Variants in EBF4 observed in about 807,000 individuals in gnomAD.
The protein encoded by EBF4 is transcription factor COE4.
EBF4 carries 34 observed loss-of-function variants against 67.1 expected under a neutral mutation model. The observed-to-expected ratio is 0.51, with a 90% CI of 0.39 to 0.67. The LOEUF (loss-of-function observed/expected upper bound fraction) is 0.67. Among genes scored for constraint, EBF4 ranks in the 30% least tolerant of loss-of-function variants. The probability of loss-of-function intolerance (pLI) is 0.00; values close to 1 mark genes in which losing one functional copy is unlikely to be tolerated. For missense variants in EBF4, 837 were observed against 873.3 expected, an observed-to-expected ratio of 0.96 and a Z score of 0.52; for synonymous variants, 387 against 377.7, an observed-to-expected ratio of 1.02 and a Z score of -0.29.
intron 5 of EBF4, 119 bp from the exon 6 acceptor site, chr20:2,709,455 C>G (rs1488555480): frequency 2.2e-6 from 2 of 926,308 alleles, no homozygotes; most frequent in Non-Finnish European, 3.0e-6. Flanking sequence ...CCAGGGATTC[C>G]ACACCCAGAG....
chr20:2,749,862 G>A (rs1225717549), exon 10 of EBF4: 1 of 1,550,414 alleles, frequency 6.4e-7, no homozygotes, highest in Non-Finnish European at 8.7e-7. Flanking sequence ...CACGCCCCAC[G>A]CCATCCGGGT....
At chr20:2,752,154 G>T (rs1390863687) in exon 13 of EBF4, 1 of 1,447,658 alleles carries the variant, frequency 6.9e-7, no homozygotes, top group Non-Finnish European at 9.1e-7. Context: ...CACCCGGGCC[G>T]CTCGCACCCC....
rs144338760 is a variant in EBF4, at chr20:2,698,596, G to C, written c.137+4814G>C. 1.3e-3 allele frequency among the ~76,000 whole-genome samples: 192 copies of C among 152,236 alleles called. 2 individuals are homozygous for C. The South Asian group carries it at 0.019, about 15-fold the overall frequency. ...GATGTAGAGGAAAGGGACTGGTGGA[G>C]CCCTGTCAGGATGGGGCTAAGAAGA... On this transcript the variant is annotated intron_variant, in intron 1 of 16. Transcript: ENST00000609451.
At chr20:2,758,840 G>C (rs1401335096) in intron 15 of EBF4, 69 bp from the exon 16 acceptor site, 3 of 1,386,868 alleles carry the variant, frequency 2.2e-6, no homozygotes, top group Admixed American at 2.0e-5. Flanking sequence ...CTCCAGCCCA[G>C]AGAGTGACAG....
intron 6 of EBF4, among the ~76,000 whole-genome samples, chr20:2,729,546 C>T (rs1251215235): frequency 6.6e-6 from 1 of 152,146 alleles, no homozygotes; most frequent in African/African-American, 2.4e-5. Context: ...GACAGACACA[C>T]CCCACACTTC....
At chr20:2,715,869 CT>C (rs1391684172) in intron 6 of EBF4, among the ~76,000 whole-genome samples, 1 of 152,180 alleles carries the variant, frequency 6.6e-6, no homozygotes, top group Non-Finnish European at 1.5e-5. Context: ...GTGCCTCAGC[CT>C]TCCGAGTAGC....
At position 2,696,186 on chromosome 20, in the gene EBF4, A is replaced by G. The variant is rs934078408; in HGVS notation, c.137+2404A>G. On this transcript the variant is annotated intron_variant, in intron 1 of 16. Coordinates refer to ENST00000609451, the Ensembl canonical transcript of EBF4. This position sits in a 1 kb window ranked among gnomAD's most constrained non-coding sequence, Gnocchi z 4.7. The stretch of plus-strand genomic sequence containing the variant: ...TCTCTCTCCGATTACAAATAAAGTG[A>G]CCAGGCTGGGCGCGGTGGCTCACGC... 2.0e-5 allele frequency among the ~76,000 whole-genome samples: 3 copies of G among 152,238 alleles called. No homozygotes were observed. The highest frequency in any genetic ancestry group is 6.5e-5 in the Admixed American group (1 of 15,278).
At chr20:2,752,172 G>T in exon 13 of EBF4, 5 of 1,442,966 alleles carry the variant, frequency 3.5e-6, no homozygotes, top group Non-Finnish European at 2.7e-6. Flanking sequence ...CCCTGGCCCC[G>T]AGCCACCCAC....
At chr20:2,742,644 C>T (rs1279879952) in intron 6 of EBF4, among the ~76,000 whole-genome samples, 1 of 152,116 alleles carries the variant, frequency 6.6e-6, no homozygotes, top group Non-Finnish European at 1.5e-5. Flanking sequence ...CCATGGGGAT[C>T]CTCAGGTCAG....
chr20:2,704,204 C>T (rs575881230), intron 1 of EBF4, among the ~76,000 whole-genome samples: 44 of 152,082 alleles, frequency 2.9e-4, no homozygotes, highest in Non-Finnish European at 4.6e-4. Context: ...GGGGGTGGGG[C>T]TCACTGGGAA....
At chr20:2,724,671 G>T (rs1428262421) in intron 6 of EBF4, among the ~76,000 whole-genome samples, 1 of 152,280 alleles carries the variant, frequency 6.6e-6, no homozygotes, top group Non-Finnish European at 1.5e-5. Flanking sequence ...TTGGGATGAC[G>T]AGGTACAAGA....
intron 1 of EBF4, among the ~76,000 whole-genome samples, chr20:2,700,014 G>C (rs778144851): frequency 9.2e-5 from 14 of 152,184 alleles, no homozygotes; most frequent in Non-Finnish European, 1.5e-4. Context: ...AGCCTGCTCT[G>C]CTCAGCCCAG....
Position 2,707,495 on chromosome 20 carries a change from G to T in EBF4, c.415-452G>T, listed in dbSNP as rs941230223. Among the ~76,000 whole-genome samples, 1 of 152,088 alleles carries T rather than the reference G, an allele frequency of 6.6e-6. No homozygotes were observed. The highest frequency in any genetic ancestry group is 2.4e-5 in the African/African-American group (1 of 41,382). ...AGCTGTGCAGCCCTCGGAGCTGACTGGGCTGGCAGGGATAGCTGAGAAGGA... is the reference window on the plus strand; with the variant it reads ...AGCTGTGCAGCCCTCGGAGCTGACTTGGCTGGCAGGGATAGCTGAGAAGGA... On this transcript the variant is annotated intron_variant, in intron 4 of 16. Coordinates refer to ENST00000609451, the Ensembl canonical transcript of EBF4. This position sits in a 1 kb window ranked among gnomAD's most constrained non-coding sequence, Gnocchi z 4.6.
intron 7 of EBF4, 125 bp downstream of exon 7, chr20:2,748,755 G>A: frequency 9.1e-7 from 1 of 1,103,828 alleles, no homozygotes; most frequent in South Asian, 1.7e-5. Flanking sequence ...TCTCTGCCCA[G>A]CCCTGTGCCT....
In EBF4 at chr20:2,709,648, G is replaced by A. The variant is rs1030880174; in HGVS notation, c.557+6G>A. The A allele has an allele frequency of 5.8e-6, 9 of 1,539,160 alleles. No homozygotes were observed. In the East Asian group the frequency reaches 1.7e-4, roughly 29 times the overall value. ...GACCCCGTCATCATTGACAGGTACA[G>A]GCTCAGGGAGGGGGCCTGGAAGCTC... On this transcript the variant is annotated splice_donor_region_variant and intron_variant, in intron 6 of 16. Coordinates refer to ENST00000609451, the Ensembl canonical transcript of EBF4.
At chr20:2,695,050 T>C (rs1005243157) in intron 1 of EBF4, among the ~76,000 whole-genome samples, 1 of 152,170 alleles carries the variant, frequency 6.6e-6, no homozygotes, top group Non-Finnish European at 1.5e-5. Flanking sequence ...CCTATTTTTC[T>C]TCCCATTAAC....
chr20:2,751,260 C>T lies in EBF4; in HGVS notation c.1019-440C>T, dbSNP rs375603765. ...GCAAACCTCTAGCCTTCAGATGCTGCAGAGAGTCCACTTGAGCCGTGATAA... is the reference window on the plus strand; with the variant it reads ...GCAAACCTCTAGCCTTCAGATGCTGTAGAGAGTCCACTTGAGCCGTGATAA... On this transcript the variant is annotated intron_variant, in intron 10 of 16. Coordinates refer to ENST00000609451, the Ensembl canonical transcript of EBF4. The surrounding 1 kb of genome is among the most constrained non-coding windows in gnomAD (Gnocchi z 5.2). Among the ~76,000 whole-genome samples the T allele has an allele frequency of 6.6e-5, 10 of 152,220 alleles. No individual in the cohort carries two copies. Among genetic ancestry groups the T allele is most frequent in the Non-Finnish European group, 1.3e-4 (9 of 68,036 alleles).
intron 7 of EBF4, 150 bp from the exon 8 acceptor site, chr20:2,749,251 G>A: frequency 1.7e-6 from 1 of 598,660 alleles, no homozygotes; most frequent in Non-Finnish European, 2.9e-6. Context: ...CACCAGCTCA[G>A]ACACTGCAGG....
exon 9 of EBF4, chr20:2,749,731 G>A: frequency 6.5e-7 from 1 of 1,549,430 alleles, no homozygotes; most frequent in Non-Finnish European, 8.7e-7. Context: ...GTCGTGTTCG[G>A]AAACGTGCTC....
Sources: allele counts gnomAD v4.1 joint callset (sites outside exome capture counted in the v4.1 genomes callset), GRCh38; gene constraint gnomAD v4.1.1; non-coding constraint Gnocchi (gnomAD v3.1); transcripts MANE v1.5; gene names NCBI Gene and HGNC (gene_info 2026-07-23, HGNC 2026-07-21).